Variants in SLC23A2 observed in about 807,000 individuals in gnomAD.
SLC23A2 encodes the protein solute carrier family 23 member 2.
Under a neutral mutation model 73.3 loss-of-function variants are expected in SLC23A2, and 36 were observed. The ratio of observed to expected loss-of-function variants is 0.49; its 90% CI spans 0.38 to 0.65. The LOEUF is 0.65. SLC23A2 is among the 30% of genes least tolerant of loss of function. The pLI, the probability that SLC23A2 is intolerant of heterozygous loss-of-function variation, is 0.00. For synonymous variants in SLC23A2, 343 were observed against 327.3 expected, an observed-to-expected ratio of 1.05 and a Z score of -0.52; for missense variants, 507 against 841.6, an observed-to-expected ratio of 0.60 and a Z score of 4.92.
chr20:4,942,726 G>A (rs72552368), intron 2 of SLC23A2, among the ~76,000 whole-genome samples: 160 of 152,328 alleles, frequency 1.1e-3, no homozygotes, highest in African/African-American at 3.8e-3. Flanking sequence ...TGATGGCACT[G>A]TCCAGAAGTT....
At chr20:4,889,952 T>A (rs997727438) in intron 6 of SLC23A2, among the ~76,000 whole-genome samples, 1 of 152,166 alleles carries the variant, frequency 6.6e-6, no homozygotes, top group Admixed American at 6.5e-5. Context: ...GGGTGAAATG[T>A]GCATGGGTTT....
intron 2 of SLC23A2, among the ~76,000 whole-genome samples, chr20:4,946,922 C>T (rs773214423): frequency 1.3e-5 from 2 of 152,170 alleles, no homozygotes; most frequent in African/African-American, 4.8e-5. Flanking sequence ...GATGCTACAG[C>T]GCCTACTGTA....
rs1929906485 is a variant in SLC23A2, at chr20:4,860,323, C to T, written c.1625-939G>A. Among the ~76,000 whole-genome samples the T allele has an allele frequency of 2.0e-5, 3 of 152,226 alleles. No homozygotes were observed. In the South Asian group the frequency reaches 6.2e-4, roughly 31 times the overall value. On this transcript the variant is annotated intron_variant, in intron 15 of 16. Coordinates refer to ENST00000338244, the MANE Select transcript of SLC23A2 (RefSeq NM_005116.6). ...ACATTCCTGACTGATGTCAAATAAG[C>T]TGACGCTCTGCCTTGTTCTGGCCTC...
intron 6 of SLC23A2, among the ~76,000 whole-genome samples, chr20:4,888,700 T>C (rs1931199145): frequency 6.6e-6 from 1 of 152,196 alleles, no homozygotes; most frequent in Non-Finnish European, 1.5e-5. Flanking sequence ...TCATCTTTCA[T>C]TTGTCATTTA....
In SLC23A2 at chr20:4,885,924, A is replaced by C; in HGVS notation, c.483-15T>G. The C allele has an allele frequency of 6.3e-7, 1 of 1,591,210 alleles. No individual in the cohort carries two copies. The highest frequency in any genetic ancestry group is 8.6e-7 in the Non-Finnish European group (1 of 1,162,410). Reference sequence around the variant, plus strand: ...ACAGGGGTAACCTAAAAGAAACGAGACCAAAACCATGATCACGGCATCGGG... The same window carrying C: ...ACAGGGGTAACCTAAAAGAAACGAGCCCAAAACCATGATCACGGCATCGGG... On this transcript the variant is annotated splice_polypyrimidine_tract_variant and intron_variant, in intron 6 of 16. Coordinates refer to ENST00000338244, the MANE Select transcript of SLC23A2 (RefSeq NM_005116.6).
At chr20:4,887,458 A>G (rs1371493890) in intron 6 of SLC23A2, among the ~76,000 whole-genome samples, 7 of 152,194 alleles carry the variant, frequency 4.6e-5, no homozygotes, top group African/African-American at 1.2e-4. Flanking sequence ...TAGAGATTTT[A>G]TCCTTAGGAA....
intron 2 of SLC23A2, among the ~76,000 whole-genome samples, chr20:4,968,987 C>T (rs2087519208): frequency 6.6e-6 from 1 of 152,084 alleles, no homozygotes; most frequent in Admixed American, 6.6e-5. Context: ...TCCCAAAGTG[C>T]TGGGATTACA....
At chr20:4,967,822 C>T (rs887140605) in intron 2 of SLC23A2, among the ~76,000 whole-genome samples, 7 of 152,180 alleles carry the variant, frequency 4.6e-5, no homozygotes, top group Non-Finnish European at 8.8e-5. Context: ...CAACCAGAAC[C>T]ATGCACCCAG....
chr20:4,912,889 A>T lies in SLC23A2; in HGVS notation c.198T>A (p.Ile66=), dbSNP rs371662849. The change falls in exon 4 of 17, where the codon ATT becomes ATA. Residue 66 remains isoleucine, a synonymous_variant. Coordinates refer to ENST00000338244, the MANE Select transcript of SLC23A2 (RefSeq NM_005116.6). Reference sequence around the variant, plus strand: ...GTGACGGAAGGGGTACCTTTTCTGCAATGCCGTTTTCCGTAGTGTAGATCG... The same window carrying T: ...GTGACGGAAGGGGTACCTTTTCTGCTATGCCGTTTTCCGTAGTGTAGATCG... ...LMAIYTTENG[I]AEKSSLAETL... is the part of the protein sequence containing the mutation. 2 of 1,608,738 alleles carry T rather than the reference A, an allele frequency of 1.2e-6. No individual in the cohort carries two copies. Among genetic ancestry groups the T allele is most frequent in the Middle Eastern group, 1.7e-4 (1 of 6,004 alleles).
At chr20:4,982,228 C>T (rs1439673640) in intron 1 of SLC23A2, among the ~76,000 whole-genome samples, 2 of 151,732 alleles carry the variant, frequency 1.3e-5, no homozygotes, top group African/African-American at 4.8e-5. Context: ...CTCCTGACCT[C>T]GTGATCTGCC....
intron 4 of SLC23A2, among the ~76,000 whole-genome samples, chr20:4,903,238 G>T (rs1931818185): frequency 3.3e-5 from 5 of 152,096 alleles, no homozygotes; most frequent in Admixed American, 3.3e-4. Context: ...GTGTGGCATG[G>T]TTTTTTAAGC....
At chr20:4,978,378 A>T (rs574014851) in intron 1 of SLC23A2, among the ~76,000 whole-genome samples, 1 of 152,268 alleles carries the variant, frequency 6.6e-6, no homozygotes, top group African/African-American at 2.4e-5. Flanking sequence ...AACCTCTCCA[A>T]AATGTCTAGG....
At chr20:4,964,786 C>T (rs6038022) in intron 2 of SLC23A2, among the ~76,000 whole-genome samples, 58,880 of 146,464 alleles carry the variant, frequency 0.4, 12,065 homozygotes, top group Admixed American at 0.48. Context: ...GCAGTGAGAT[C>T]GCACCACTGC....
At chr20:4,936,937 G>C (rs184022171) in intron 2 of SLC23A2, among the ~76,000 whole-genome samples, 33 of 152,138 alleles carry the variant, frequency 2.2e-4, no homozygotes, top group African/African-American at 8.0e-4. Context: ...TCTGAGAAAG[G>C]CGTCAGGGAA....
At chr20:4,911,170 G>C (rs1270944654) in intron 4 of SLC23A2, among the ~76,000 whole-genome samples, 1 of 152,186 alleles carries the variant, frequency 6.6e-6, no homozygotes, top group Non-Finnish European at 1.5e-5. Context: ...TGTGGGATGT[G>C]CCTCAGCTGC....
At chr20:4,881,906 T>G (rs1389028895) in intron 9 of SLC23A2, among the ~76,000 whole-genome samples, 1 of 152,146 alleles carries the variant, frequency 6.6e-6, no homozygotes, top group East Asian at 1.9e-4. Context: ...TTGTAAGTGC[T>G]TTGTGGGTTT....
rs763892348 is a variant in SLC23A2 at position 4,862,843 on chromosome 20, T to C, written c.1421A>G (p.Lys474Arg). 1 of 1,613,974 alleles carries C rather than the reference T, an allele frequency of 6.2e-7. No homozygotes were observed. Among genetic ancestry groups the C allele is most frequent in the Non-Finnish European group, 8.5e-7 (1 of 1,179,990 alleles). Residue 474 changes from lysine (K) to arginine (R), a missense_variant, in exon 14 of 17, where the codon AAG becomes AGG. Physicochemically the swap from Lys to Arg is conservative, Grantham distance 26 (BLOSUM62 2). Around this residue, in one of 5 missense-constraint regions of SLC23A2, gnomAD observed 168 missense variants for 302.3 expected, o/e 0.56. Transcript: ENST00000338244. The surrounding 1 kb of genome is among the most constrained non-coding windows in gnomAD (Gnocchi z 5.1). ...ALMLALGMIG[K>R]FSALFASLPD... is the part of the protein sequence containing the mutation. Reference sequence around the variant, plus strand: ...AAGGGACGCAAAGAGGGCGCTGAACTTCCCGATCATGCCCAGAGCGAGCAT... The same window carrying C: ...AAGGGACGCAAAGAGGGCGCTGAACCTCCCGATCATGCCCAGAGCGAGCAT...
chr20:4,965,161 G>C (rs183960559), intron 2 of SLC23A2, among the ~76,000 whole-genome samples: 1 of 152,062 alleles, frequency 6.6e-6, no homozygotes, highest in East Asian at 1.9e-4. Context: ...GTGTGCTCCC[G>C]GAGAGAGCGC....
At chr20:4,913,871 C>T (rs974875784) in intron 3 of SLC23A2, among the ~76,000 whole-genome samples, 2 of 152,062 alleles carry the variant, frequency 1.3e-5, no homozygotes, top group East Asian at 3.9e-4. Flanking sequence ...AGGTGATCCA[C>T]TCACCTCAGC....
Sources: allele counts gnomAD v4.1 joint callset (sites outside exome capture counted in the v4.1 genomes callset), GRCh38; gene constraint gnomAD v4.1.1; regional missense constraint gnomAD v4.1.1; non-coding constraint Gnocchi (gnomAD v3.1); transcripts MANE v1.5; gene names NCBI Gene and HGNC (gene_info 2026-07-23, HGNC 2026-07-21).